Variants in ARHGAP6 observed in about 807,000 individuals in gnomAD.
ARHGAP6 encodes Rho GTPase activating protein 6.
Under a neutral mutation model 55.7 loss-of-function variants are expected in ARHGAP6, and 16 were observed. The observed-to-expected ratio is 0.29, with a 90% confidence interval of 0.19 to 0.44. ARHGAP6 has a LOEUF of 0.44. ARHGAP6 is among the 20% of genes least tolerant of loss of function. The probability of loss-of-function intolerance (pLI) is 1.00; values close to 1 mark genes in which losing one functional copy is unlikely to be tolerated. For missense variants in ARHGAP6, 698 were observed against 808.9 expected (o/e 0.86, Z 1.66); for synonymous variants, 382 against 360.9 (o/e 1.06, Z -0.66).
At chrX:11,444,716 T>C (rs1216935328) in intron 1 of ARHGAP6, among the ~76,000 whole-genome samples, 1 of 106,865 alleles carries the variant, frequency 9.4e-6, no homozygotes, top group East Asian at 3.0e-4. Context: ...GAGAGACCGA[T>C]TCTGATTACA....
intron 1 of ARHGAP6, among the ~76,000 whole-genome samples, chrX:11,369,858 G>T (rs1281313127): frequency 8.9e-6 from 1 of 112,295 alleles, no homozygotes; most frequent in Non-Finnish European, 1.9e-5. Flanking sequence ...AATGAGCAGA[G>T]ATATATTTTG....
intron 1 of ARHGAP6, among the ~76,000 whole-genome samples, chrX:11,387,148 T>C (rs1039020123): frequency 8.9e-6 from 1 of 111,894 alleles, no homozygotes; most frequent in Non-Finnish European, 1.9e-5. Context: ...CAGGGAAATG[T>C]GGGAAAGTGA....
intron 1 of ARHGAP6, among the ~76,000 whole-genome samples, chrX:11,627,718 C>T (rs2052314934): frequency 9.0e-6 from 1 of 111,572 alleles, no homozygotes; most frequent in South Asian, 3.7e-4. Context: ...GTTTCCTCAT[C>T]TGTAAAGTGG....
chrX:11,410,173 G>A (rs746565879), intron 1 of ARHGAP6, among the ~76,000 whole-genome samples: 1 of 111,968 alleles, frequency 8.9e-6, no homozygotes, highest in Non-Finnish European at 1.9e-5. Context: ...CATATACACA[G>A]AAGTCCATAG....
At chrX:11,656,063 G>A (rs1202191204) in intron 1 of ARHGAP6, among the ~76,000 whole-genome samples, 1 of 112,351 alleles carries the variant, frequency 8.9e-6, no homozygotes, top group African/African-American at 3.2e-5. Context: ...GTAGATATGG[G>A]ACCAAGTTAT....
chrX:11,596,777 C>T (rs1480277453), intron 1 of ARHGAP6, among the ~76,000 whole-genome samples: 1 of 111,199 alleles, frequency 9.0e-6, no homozygotes, highest in Non-Finnish European at 1.9e-5. Flanking sequence ...CTTTGATACT[C>T]AAAGGTTTCA....
chrX:11,251,050 T>C (rs764362466), intron 2 of ARHGAP6, among the ~76,000 whole-genome samples: 351 of 111,830 alleles, frequency 3.1e-3, no homozygotes, highest in Non-Finnish European at 5.0e-3. Flanking sequence ...ACCAGGATGT[T>C]TATTTTTCAT....
chrX:11,395,587 G>T (rs1355214484), intron 1 of ARHGAP6, among the ~76,000 whole-genome samples: 1 of 112,312 alleles, frequency 8.9e-6, no homozygotes, highest in Non-Finnish European at 1.9e-5. Flanking sequence ...GCCAACGCAA[G>T]CTGGCTCCAG....
At chrX:11,456,511 T>C (rs2050194981) in intron 1 of ARHGAP6, among the ~76,000 whole-genome samples, 1 of 111,781 alleles carries the variant, frequency 8.9e-6, no homozygotes, top group Admixed American at 9.5e-5. Flanking sequence ...CCAGATCATA[T>C]TGGTGAAATT....
intron 1 of ARHGAP6, chrX:11,427,435 C>T (rs1410754359): frequency 3.5e-6 from 3 of 851,734 alleles, no homozygotes; most frequent in Non-Finnish European, 4.4e-6. Flanking sequence ...CCACCCGCCA[C>T]CCCCTCAGCC....
At chrX:11,498,546 G>A (rs1158542711) in intron 1 of ARHGAP6, among the ~76,000 whole-genome samples, 1 of 111,330 alleles carries the variant, frequency 9.0e-6, no homozygotes, top group Non-Finnish European at 1.9e-5. Context: ...GGCCCACTAT[G>A]TGCTCAGTCC....
intron 1 of ARHGAP6, among the ~76,000 whole-genome samples, chrX:11,438,622 C>G (rs1335587007): frequency 8.9e-6 from 1 of 112,702 alleles, no homozygotes; most frequent in African/African-American, 3.2e-5. Context: ...AACAGTTTTT[C>G]TGACCTATTT....
intron 1 of ARHGAP6, among the ~76,000 whole-genome samples, chrX:11,274,060 G>A (rs892689329): frequency 9.0e-6 from 1 of 111,239 alleles, no homozygotes. Flanking sequence ...CCTTAGTCCT[G>A]AGTTTGTGGT....
At chrX:11,218,394 G>A (rs2046911941) in intron 2 of ARHGAP6, among the ~76,000 whole-genome samples, 1 of 111,637 alleles carries the variant, frequency 9.0e-6, no homozygotes, top group Non-Finnish European at 1.9e-5. Flanking sequence ...TCACATTAAT[G>A]TTAATCAGGG....
intron 1 of ARHGAP6, among the ~76,000 whole-genome samples, chrX:11,605,277 G>A (rs976418233): frequency 6.3e-5 from 7 of 111,537 alleles, no homozygotes; most frequent in African/African-American, 2.3e-4. Context: ...GACGAAGCCT[G>A]ACTAAGAGAT....
chrX:11,368,560 G>C (rs183169871), intron 1 of ARHGAP6, among the ~76,000 whole-genome samples: 7 of 111,704 alleles, frequency 6.3e-5, no homozygotes, highest in Admixed American at 5.7e-4. Context: ...ATCACATTTG[G>C]ATTCATCTTC....
In ARHGAP6 at chrX:11,138,600, C is replaced by A; in HGVS notation, c.*263G>T. The A allele has an allele frequency of 2.5e-6, 1 of 408,142 alleles. No homozygotes were observed. Among genetic ancestry groups the A allele is most frequent in the Non-Finnish European group, 4.2e-6 (1 of 236,427 alleles). 33.6% of individuals were successfully genotyped at this position (408,142 alleles called of 1,213,427 possible). On this transcript the variant is annotated 3_prime_UTR_variant, in exon 13 of 13. Coordinates refer to ENST00000337414, the MANE Select transcript of ARHGAP6 (RefSeq NM_013427.3). ...AAGAGTTGTATCTTATATTATAGAG[C>A]CAAGAGGGACGTTTTTAGATTGGAC...
intron 1 of ARHGAP6, among the ~76,000 whole-genome samples, chrX:11,338,259 G>A (rs1305438683): frequency 2.7e-5 from 3 of 111,897 alleles, no homozygotes; most frequent in East Asian, 2.8e-4. Context: ...TATGAGCAGC[G>A]TTATTAGGGC....
chrX:11,177,890 T>A (rs1165468788), intron 8 of ARHGAP6, among the ~76,000 whole-genome samples: 1 of 111,491 alleles, frequency 9.0e-6, no homozygotes, highest in Non-Finnish European at 1.9e-5. Context: ...GGAAGCATAC[T>A]TGAAACATAT....
Sources: gnomAD v4.1 joint callset for allele counts (sites outside exome capture counted in the v4.1 genomes callset) on GRCh38, gnomAD v4.1.1 for gene constraint, MANE v1.5 for transcripts, NCBI Gene and HGNC (gene_info 2026-07-23, HGNC 2026-07-21) for gene names.